Variants in UNC13B observed in about 807,000 individuals in gnomAD.
UNC13B encodes unc-13 homolog B, also known as protein unc-13 homolog B.
A neutral mutation model predicts 211.0 loss-of-function variants in UNC13B; 144 were observed. The ratio of observed to expected loss-of-function variants is 0.68; its 90% CI spans 0.60 to 0.78. UNC13B has a LOEUF of 0.78. Among genes scored for constraint, UNC13B ranks in the 30% least tolerant of loss-of-function variants. The pLI is 0.00. For missense variants in UNC13B, 1,777 were observed against 2,002.0 expected, an observed-to-expected ratio of 0.89 and a Z score of 2.14; for synonymous variants, 709 against 725.8, an observed-to-expected ratio of 0.98 and a Z score of 0.37.
chr9:35,203,762 T>C (rs951523623), intron 1 of UNC13B, among the ~76,000 whole-genome samples: 3 of 152,224 alleles, frequency 2.0e-5, no homozygotes, highest in African/African-American at 7.2e-5. Flanking sequence ...CTGGAACTTA[T>C]TTAAAAGGGA....
chr9:35,382,457 G>C lies in UNC13B; in HGVS notation c.10756G>C (p.Ala3586Pro), dbSNP rs1043826784. Residue 3586 changes from alanine to proline, a missense_variant, in exon 21 of 40, where the codon GCC becomes CCC. Transcript: ENST00000635942. ...CAACGCCTACTATGCCCACACAACT[G>C]CCTCTACCAATGTCTCTGCATCTGA... is the stretch of plus-strand genomic sequence containing the variant. ...NINAYYAHTT[A>P]STNVSASDRF... 6.2e-7 allele frequency: 1 copy of C among 1,613,998 alleles called. No homozygotes were observed. The highest frequency in any genetic ancestry group is 1.3e-5 in the African/African-American group (1 of 74,898).
chr9:35,280,909 G>T (rs886311713), intron 7 of UNC13B, among the ~76,000 whole-genome samples: 1 of 152,154 alleles, frequency 6.6e-6, no homozygotes, highest in African/African-American at 2.4e-5. Context: ...GCAACACTTA[G>T]GTGTCTATGC....
At chr9:35,319,556 C>T (rs968185305) in intron 11 of UNC13B, among the ~76,000 whole-genome samples, 1 of 151,954 alleles carries the variant, frequency 6.6e-6, no homozygotes, top group African/African-American at 2.4e-5. Flanking sequence ...TTTTTCAATC[C>T]CTGCCATCTT....
At position 35,310,450 on chromosome 9, in the gene UNC13B, TTC is replaced by T; in HGVS notation, c.9009-15_9009-14del. 1 of 1,609,942 alleles carries T rather than the reference TTC, an allele frequency of 6.2e-7. No homozygotes were observed. The highest frequency in any genetic ancestry group is 1.3e-5 in the African/African-American group (1 of 74,950). ...ATTGCATTTATTTACTTATCTGTCT[TTC>T]TGTCATTCTCACAGCCCCACCAGCA... On this transcript the variant is annotated splice_polypyrimidine_tract_variant and intron_variant, in intron 9 of 39. Coordinates refer to ENST00000635942, the MANE Select transcript of UNC13B (RefSeq NM_001371189.2).
chr9:35,330,137 T>C lies in UNC13B; in HGVS notation c.9414+16148T>C, dbSNP rs376443045. Reference sequence around the variant, plus strand: ...TCATATTTGTTGTTCTTCTCAGTTATAAAATTAGGGATAGCGACTTGTTCT... The same window carrying C: ...TCATATTTGTTGTTCTTCTCAGTTACAAAATTAGGGATAGCGACTTGTTCT... On this transcript the variant is annotated intron_variant, in intron 11 of 39. Transcript: ENST00000635942. Among the ~76,000 whole-genome samples the C allele has an allele frequency of 2.0e-5, 3 of 152,240 alleles. No homozygotes were observed. The East Asian group carries it at 5.8e-4, about 29-fold the overall frequency.
At chr9:35,209,552 A>G (rs1823852271) in intron 1 of UNC13B, among the ~76,000 whole-genome samples, 1 of 151,778 alleles carries the variant, frequency 6.6e-6, no homozygotes, top group Admixed American at 6.6e-5. Context: ...TAATTTTTGC[A>G]TTTTTAGTAG....
chr9:35,209,275 G>T (rs1034501456), intron 1 of UNC13B, among the ~76,000 whole-genome samples: 2 of 152,076 alleles, frequency 1.3e-5, no homozygotes, highest in Non-Finnish European at 2.9e-5. Flanking sequence ...TGTTGGCCAG[G>T]CTAGTCTTGA....
At chr9:35,288,234 G>C (rs545830430) in intron 7 of UNC13B, among the ~76,000 whole-genome samples, 71 of 151,944 alleles carry the variant, frequency 4.7e-4, no homozygotes, top group Non-Finnish European at 8.4e-4. Context: ...TGGCCACACT[G>C]TTCCACTGTT....
Position 35,307,965 on chromosome 9 carries a change from A to T in UNC13B, c.8561A>T (p.Glu2854Val), listed in dbSNP as rs1452660223. 5 of 398,954 alleles carry T rather than the reference A, an allele frequency of 1.3e-5. No individual in the cohort carries two copies. Among genetic ancestry groups the T allele is most frequent in the Non-Finnish European group, 2.2e-5 (5 of 226,118 alleles). The allele number at this position is 398,954 out of a possible 1,614,324, so 24.7% of individuals were successfully genotyped here. A position where few individuals can be genotyped will look rare whatever the true frequency, so the allele number is the denominator to read the frequency against. ...PWPKENKGVP[E>V]QMPTESSPPV... is the part of the protein sequence containing the mutation. ...CCAAAAGAGAACAAAGGGGTCCCTG[A>T]ACAAATGCCTACAGAATCCTCCCCT... The change falls in exon 9 of 40, where the codon GAA becomes GTA. Residue 2854 changes from glutamate (E) to valine (V), a missense_variant. By Grantham distance (121) the Glu-to-Val change is moderately radical (BLOSUM62 -2). Coordinates refer to ENST00000635942, the MANE Select transcript of UNC13B (RefSeq NM_001371189.2).
intron 11 of UNC13B, among the ~76,000 whole-genome samples, chr9:35,340,337 C>T (rs888471054): frequency 1.3e-5 from 2 of 152,144 alleles, no homozygotes; most frequent in African/African-American, 4.8e-5. Context: ...AAATTTTCTT[C>T]CTTGGTTGAG....
chr9:35,294,471 T>C (rs1829252135), intron 7 of UNC13B, among the ~76,000 whole-genome samples: 1 of 152,180 alleles, frequency 6.6e-6, no homozygotes, highest in Admixed American at 6.5e-5. Flanking sequence ...CATGCCCGGC[T>C]AATTTTTGTA....
intron 2 of UNC13B, among the ~76,000 whole-genome samples, chr9:35,228,523 A>G (rs1233075121): frequency 6.6e-6 from 1 of 151,204 alleles, no homozygotes; most frequent in Non-Finnish European, 1.5e-5. Context: ...TGTGTAGTGG[A>G]TAAATATTGA....
At chr9:35,226,220 T>C (rs1824833058) in intron 1 of UNC13B, among the ~76,000 whole-genome samples, 2 of 152,310 alleles carry the variant, frequency 1.3e-5, no homozygotes, top group Non-Finnish European at 2.9e-5. Context: ...CATTCTGTGC[T>C]TTAACAGCCC....
chr9:35,399,012 C>G lies in UNC13B; in HGVS notation c.12052C>G (p.Leu4018Val). Residue 4018 changes from leucine to valine, a missense_variant, in exon 33 of 40, where the codon CTC becomes GTC. Transcript: ENST00000635942. ...AQDADSVLRP[L>V]MDFLDGNLTL... is the part of the protein sequence containing the mutation. The stretch of plus-strand genomic sequence containing the variant: ...GGATGCAGATAGCGTACTCCGGCCT[C>G]TCATGGACTTCCTGGATGGCAAGTG... The G allele has an allele frequency of 6.2e-7, 1 of 1,614,098 alleles. No homozygotes were observed. The highest frequency in any genetic ancestry group is 8.5e-7 in the Non-Finnish European group (1 of 1,179,962).
At chr9:35,395,844 C>T (rs897376667) in intron 26 of UNC13B, among the ~76,000 whole-genome samples, 1 of 152,164 alleles carries the variant, frequency 6.6e-6, no homozygotes, top group African/African-American at 2.4e-5. Context: ...TCCATAGTTT[C>T]CAAACTGACT....
At chr9:35,164,925 G>A (rs1022121900) in intron 1 of UNC13B, among the ~76,000 whole-genome samples, 3 of 152,182 alleles carry the variant, frequency 2.0e-5, no homozygotes, top group Non-Finnish European at 4.4e-5. Flanking sequence ...GTCTTGTATT[G>A]TGGTGCTTAT....
chr9:35,230,171 T>C (rs997538924), intron 2 of UNC13B, among the ~76,000 whole-genome samples: 19 of 152,116 alleles, frequency 1.2e-4, no homozygotes, highest in Admixed American at 4.6e-4. Flanking sequence ...CTCAACTCTG[T>C]GATAATATTT....
At position 35,360,132 on chromosome 9, in the gene UNC13B, T is replaced by C. The variant is rs147956814; in HGVS notation, c.9415-6815T>C. Among the ~76,000 whole-genome samples, 112 of 152,378 alleles carry C rather than the reference T, an allele frequency of 7.4e-4. 1 individual carries two copies. Among genetic ancestry groups the C allele is most frequent in the Middle Eastern group, 3.4e-3 (1 of 294 alleles). ...CTTTACTCATTTCTTTCAAGTCTGC[T>C]TTGATATCACCTATCAGTGAGGCCG... On this transcript the variant is annotated intron_variant, in intron 11 of 39. Transcript: ENST00000635942.
intron 39 of UNC13B, 31 bp from the exon 40 acceptor site, chr9:35,403,717 T>C (rs867871469): frequency 1.2e-6 from 2 of 1,612,370 alleles, no homozygotes; most frequent in Middle Eastern, 1.7e-4. Flanking sequence ...GACTCAACTC[T>C]GGCCTCATAA....
Sources: gnomAD v4.1 joint callset for allele counts (sites outside exome capture counted in the v4.1 genomes callset) on GRCh38, gnomAD v4.1.1 for gene constraint, MANE v1.5 for transcripts, NCBI Gene and HGNC (gene_info 2026-07-23, HGNC 2026-07-21) for gene names.